The following TENM2 variants were observed in gnomAD, a reference collection of about 807,000 sequenced individuals.
TENM2 encodes teneurin-2.
Under a neutral mutation model 245.2 loss-of-function variants are expected in TENM2, and 52 were observed. The observed-to-expected ratio is 0.21, with a 90% confidence interval of 0.17 to 0.27. The LOEUF (loss-of-function observed/expected upper bound fraction) is 0.27. Ranked by LOEUF, TENM2 falls within the 10% of genes least tolerant of loss-of-function variation. TENM2 has a pLI of 1.00. For missense variants in TENM2, 3,046 were observed against 3,666.8 expected, an observed-to-expected ratio of 0.83 and a Z score of 4.37; for synonymous variants, 1,363 against 1,438.9, an observed-to-expected ratio of 0.95 and a Z score of 1.19.
chr5:168,142,018 C>T (rs1246746676), intron 12 of TENM2, among the ~76,000 whole-genome samples: 1 of 152,180 alleles, frequency 6.6e-6, no homozygotes, highest in African/African-American at 2.4e-5. Context: ...GACACATATC[C>T]CCAGTGCTGC....
intron 3 of TENM2, among the ~76,000 whole-genome samples, chr5:167,933,997 AAGG>A (rs1426307378): frequency 6.6e-6 from 1 of 152,228 alleles, no homozygotes; most frequent in Non-Finnish European, 1.5e-5. Flanking sequence ...CAGTGTGCCA[AAGG>A]AGATGACAGA....
intron 5 of TENM2, among the ~76,000 whole-genome samples, chr5:168,016,762 T>C (rs913356580): frequency 2.0e-5 from 3 of 152,160 alleles, no homozygotes; most frequent in African/African-American, 7.2e-5. Context: ...TCCCCACTCT[T>C]CCACTTACTG....
At chr5:167,816,956 C>T (rs1428633826) in intron 2 of TENM2, among the ~76,000 whole-genome samples, 1 of 152,102 alleles carries the variant, frequency 6.6e-6, no homozygotes, top group East Asian at 1.9e-4. Flanking sequence ...ACAATCATGA[C>T]TCGTATTAGA....
At chr5:167,804,973 G>C (rs1326462334) in intron 2 of TENM2, among the ~76,000 whole-genome samples, 1 of 152,160 alleles carries the variant, frequency 6.6e-6, no homozygotes, top group Non-Finnish European at 1.5e-5. Flanking sequence ...CTGAATGAGA[G>C]GATGAGACAG....
At chr5:167,749,902 G>A (rs1040037474) in intron 2 of TENM2, among the ~76,000 whole-genome samples, 1 of 152,076 alleles carries the variant, frequency 6.6e-6, no homozygotes, top group African/African-American at 2.4e-5. Context: ...GAAGAATTGA[G>A]GAGAAACTTG....
chr5:167,958,476 A>T (rs1226100621), intron 4 of TENM2, among the ~76,000 whole-genome samples: 5 of 152,162 alleles, frequency 3.3e-5, no homozygotes, highest in African/African-American at 1.2e-4. Context: ...TAGCCTCTTT[A>T]CATTTAGGGT....
At chr5:167,679,515 C>T (rs1218679913) in intron 2 of TENM2, among the ~76,000 whole-genome samples, 2 of 152,022 alleles carry the variant, frequency 1.3e-5, no homozygotes, top group Admixed American at 1.3e-4. Context: ...TAAAGTTAAG[C>T]GGGTATGCGG....
intron 2 of TENM2, among the ~76,000 whole-genome samples, chr5:167,554,009 G>A (rs1057025664): frequency 3.9e-5 from 6 of 152,180 alleles, no homozygotes; most frequent in South Asian, 2.1e-4. Context: ...GGCACATGGC[G>A]AGGAGTTTCT....
intron 27 of TENM2, among the ~76,000 whole-genome samples, chr5:168,249,664 C>G (rs1379426451): frequency 1.3e-5 from 2 of 152,058 alleles, no homozygotes; most frequent in Non-Finnish European, 2.9e-5. Context: ...CCAAGAAAGG[C>G]AGATTATCTA....
At chr5:168,227,666 T>C (rs74454753) in intron 24 of TENM2, among the ~76,000 whole-genome samples, 3,524 of 152,262 alleles carry the variant, frequency 0.023, 153 homozygotes, top group African/African-American at 0.079. Flanking sequence ...CATCACGGCA[T>C]AATTATTTCT....
Position 167,358,287 on chromosome 5 carries a change from A to G in TENM2, c.227-16911A>G, listed in dbSNP as rs150545134. Among the ~76,000 whole-genome samples, 704 of 152,280 alleles carry G rather than the reference A, an allele frequency of 4.6e-3. 12 individuals carry two copies. The highest frequency in any genetic ancestry group is 0.015 in the African/African-American group (641 of 41,554). ...CCCCTCCACATAATTGCTCTTGCCAAGGTCACCAATGATTACTATGTTGCT... is the reference window on the plus strand; with the variant it reads ...CCCCTCCACATAATTGCTCTTGCCAGGGTCACCAATGATTACTATGTTGCT... On this transcript the variant is annotated intron_variant, in intron 1 of 28. Coordinates refer to ENST00000518659, the Ensembl canonical transcript of TENM2.
At chr5:167,135,634 G>C in the TENM2 span, among the ~76,000 whole-genome samples, 2 of 152,076 alleles carry the variant, frequency 1.3e-5, no homozygotes, top group Non-Finnish European at 2.9e-5. Context: ...AAATTAGCCA[G>C]GTATGGGTGG....
intron 3 of TENM2, among the ~76,000 whole-genome samples, chr5:167,898,715 G>A (rs1256884487): frequency 6.6e-6 from 1 of 152,194 alleles, no homozygotes; most frequent in African/African-American, 2.4e-5. Flanking sequence ...ACTGGGTATA[G>A]GAGTTGCCAG....
At position 167,656,671 on chromosome 5, in the gene TENM2, G is replaced by A. The variant is rs114815764; in HGVS notation, c.503-219315G>A. 3.6e-3 allele frequency among the ~76,000 whole-genome samples: 548 copies of A among 151,670 alleles called. 4 individuals carry two copies. The highest frequency in any genetic ancestry group is 0.013 in the African/African-American group (524 of 41,346). ...TTTATTGTACTTATTAAATATATGC[G>A]TTTTTAAAACAAGTTGTGTGAAGGA... On this transcript the variant is annotated intron_variant, in intron 2 of 28. Transcript: ENST00000518659.
intron 3 of TENM2, among the ~76,000 whole-genome samples, chr5:167,950,308 C>T (rs545295923): frequency 6.6e-6 from 1 of 152,278 alleles, no homozygotes; most frequent in South Asian, 2.1e-4. Context: ...CACAGATGGA[C>T]CTCACAAGGG....
intron 2 of TENM2, among the ~76,000 whole-genome samples, chr5:167,782,571 C>T (rs1404977154): frequency 6.6e-6 from 1 of 152,070 alleles, no homozygotes; most frequent in African/African-American, 2.4e-5. Context: ...CTTTGCGTCA[C>T]ACTGTCCTTC....
intron 2 of TENM2, among the ~76,000 whole-genome samples, chr5:167,415,642 T>G (rs1763126281): frequency 7.1e-6 from 1 of 140,940 alleles, no homozygotes; most frequent in Admixed American, 6.8e-5. Context: ...GTAAGTTAGA[T>G]TTTTTCCTTC....
At chr5:167,851,245 T>C (rs1478360021) in intron 2 of TENM2, among the ~76,000 whole-genome samples, 1 of 152,216 alleles carries the variant, frequency 6.6e-6, no homozygotes, top group Non-Finnish European at 1.5e-5. Flanking sequence ...TATCTCAGTT[T>C]GTCCTCTGAC....
chr5:167,179,507 G>A, the TENM2 span, among the ~76,000 whole-genome samples: 1 of 151,922 alleles, frequency 6.6e-6, no homozygotes, highest in African/African-American at 2.4e-5. Context: ...AGTTACTATA[G>A]GATTTATACA....
Sources: allele counts gnomAD v4.1 joint callset (sites outside exome capture counted in the v4.1 genomes callset), GRCh38; gene constraint gnomAD v4.1.1; transcripts MANE v1.5; gene names NCBI Gene and HGNC (gene_info 2026-07-23, HGNC 2026-07-21).